The following CATSPER2 variants were observed in gnomAD, a reference collection of about 807,000 sequenced individuals.
CATSPER2 encodes the protein cation channel sperm-associated protein 2.
Under a neutral mutation model 68.8 loss-of-function variants are expected in CATSPER2, and 56 were observed. The ratio of observed to expected loss-of-function variants is 0.81; its 90% CI spans 0.66 to 1.02. The LOEUF is 1.02. Ranked by LOEUF, CATSPER2 falls within the 50% of genes least tolerant of loss-of-function variation. The probability of loss-of-function intolerance (pLI) is 0.00; values close to 1 mark genes in which losing one functional copy is unlikely to be tolerated. For missense variants in CATSPER2, 582 were observed against 642.0 expected, an observed-to-expected ratio of 0.91 and a Z score of 1.01; for synonymous variants, 198 against 229.9, an observed-to-expected ratio of 0.86 and a Z score of 1.26.
chr15:43,640,551 A>G (rs2086054882), intron 4 of CATSPER2, 55 bp from the exon 5 acceptor site: 2 of 1,611,110 alleles, frequency 1.2e-6, no homozygotes, highest in East Asian at 4.5e-5. Flanking sequence ...AAACCGAATG[A>G]TGGAGAATGA....
intron 6 of CATSPER2, chr15:43,639,385 C>T (rs186686021): frequency 0.012 from 5,677 of 464,536 alleles, 92 homozygotes; most frequent in Middle Eastern, 0.018. Flanking sequence ...GCTGGGATTA[C>T]AGGCACACAC....
At chr15:43,639,586 T>C (rs1436747421) in intron 6 of CATSPER2, 57 bp downstream of exon 6, 1 of 1,610,168 alleles carries the variant, frequency 6.2e-7, no homozygotes, top group Non-Finnish European at 8.5e-7. Flanking sequence ...TATTCTATGT[T>C]AAGCCCTCAC....
Position 43,633,016 on chromosome 15 carries a change from C to T in CATSPER2, c.1179-82G>A, listed in dbSNP as rs1397951476. ...ATTATTCTGGTTCTGCCCCTGGCCA[C>T]CCCCTAAAGCTGGGGCATAAGACAA... On this transcript the variant is annotated intron_variant, in intron 10 of 12. Coordinates refer to ENST00000396879, the MANE Select transcript of CATSPER2 (RefSeq NM_172095.4). 3.4e-6 allele frequency: 4 copies of T among 1,162,706 alleles called. No homozygotes were observed. The Middle Eastern group carries it at 1.1e-3, about 332-fold the overall frequency. The allele number at this position is 1,162,706 out of a possible 1,614,324, so 72.0% of individuals were successfully genotyped here. A position where few individuals can be genotyped will look rare whatever the true frequency, so the allele number is the denominator to read the frequency against.
In CATSPER2 at chr15:43,631,480, C is replaced by T. The variant is rs1285483142; in HGVS notation, c.1561+719G>A. The T allele has an allele frequency of 2.8e-5, 8 of 287,426 alleles. 1 individual carries two copies. In the East Asian group the frequency reaches 3.9e-4, roughly 14 times the overall value. 17.8% of individuals were successfully genotyped at this position (287,426 alleles called of 1,614,324 possible). A position where few individuals can be genotyped will look rare whatever the true frequency, so the allele number is the denominator to read the frequency against. ...TCCTGACCTTGTGATCTGCCCGCCT[C>T]GGCCTCCCAAAGTGCTGGGATTACA... is the stretch of plus-strand genomic sequence containing the variant. On this transcript the variant is annotated intron_variant, in intron 12 of 12. Coordinates refer to ENST00000396879, the MANE Select transcript of CATSPER2 (RefSeq NM_172095.4).
rs1179943198 is a variant in CATSPER2 at position 43,648,677 on chromosome 15, C to T, written c.-51G>A. 4.2e-6 allele frequency: 6 copies of T among 1,429,740 alleles called. No individual in the cohort carries two copies. The African/African-American group carries it at 5.9e-5, about 14-fold the overall frequency. 88.6% of individuals were successfully genotyped at this position (1,429,740 alleles called of 1,614,324 possible). ...ACTCAGTCCTTATTTCACGCTTCCG[C>T]CTCCAGCTCAGGTGCCCCGAGCCTG... On this transcript the variant is annotated 5_prime_UTR_variant, in exon 1 of 13. Transcript: ENST00000396879.
intron 12 of CATSPER2, among the ~76,000 whole-genome samples, chr15:43,631,977 T>C (rs1408724952): frequency 6.6e-6 from 1 of 151,990 alleles, no homozygotes; most frequent in Admixed American, 6.6e-5. Context: ...TGTCCCCTGC[T>C]ACAGAAGCAG....
intron 12 of CATSPER2, 31 bp downstream of exon 12, chr15:43,632,168 C>T (rs780210310): frequency 6.2e-7 from 1 of 1,607,090 alleles, no homozygotes; most frequent in Non-Finnish European, 8.5e-7. Flanking sequence ...TATATATTCC[C>T]ATGGTCCCCA....
chr15:43,643,219 T>C (rs2086102552), intron 4 of CATSPER2, among the ~76,000 whole-genome samples: 1 of 151,942 alleles, frequency 6.6e-6, no homozygotes, highest in South Asian at 2.1e-4. Context: ...ATATTATAGG[T>C]GAGGAGAATA....
intron 7 of CATSPER2, chr15:43,637,733 G>T (rs1032418254): frequency 6.6e-6 from 1 of 151,890 alleles, no homozygotes. Context: ...CTGCCGAAGT[G>T]AGCACTGATT....
At chr15:43,635,502 A>G in intron 9 of CATSPER2, 86 bp from the exon 10 acceptor site, 2 of 1,427,216 alleles carry the variant, frequency 1.4e-6, no homozygotes, top group Non-Finnish European at 2.0e-6. Context: ...TCAGAAAGTG[A>G]AGAAAACTAA....
chr15:43,638,569 G>A (rs2086010440), intron 7 of CATSPER2, among the ~76,000 whole-genome samples: 1 of 151,754 alleles, frequency 6.6e-6, no homozygotes, highest in Non-Finnish European at 1.5e-5. Context: ...TTTCAGGGGT[G>A]AGCCACCGCG....
At chr15:43,639,535 G>A (rs2086034603) in intron 6 of CATSPER2, 108 bp downstream of exon 6, 1 of 1,585,208 alleles carries the variant, frequency 6.3e-7, no homozygotes, top group Admixed American at 1.7e-5. Context: ...AAAGTGCTGG[G>A]ATTACAGGCG....
chr15:43,643,810 T>C (rs2086113397), intron 4 of CATSPER2, among the ~76,000 whole-genome samples: 1 of 151,988 alleles, frequency 6.6e-6, no homozygotes, highest in Admixed American at 6.6e-5. Context: ...TTCAGGAATA[T>C]GCCCACCTTT....
At position 43,641,504 on chromosome 15, in the gene CATSPER2, C is replaced by T. The variant is rs150875834; in HGVS notation, c.389-1008G>A. ...CTTTTATACAATGAATGGATGTATG[C>T]CATACCCTTGGAAAAAAAAAAAACA... On this transcript the variant is annotated intron_variant, in intron 4 of 12. Coordinates refer to ENST00000396879, the MANE Select transcript of CATSPER2 (RefSeq NM_172095.4). Among the ~76,000 whole-genome samples the T allele has an allele frequency of 4.2e-3, 599 of 143,900 alleles. 9 individuals are homozygous for T. The highest frequency in any genetic ancestry group is 0.016 in the African/African-American group (566 of 35,290). 94.4% of individuals were successfully genotyped at this position (143,900 alleles called of 152,430 possible). A position where few individuals can be genotyped will look rare whatever the true frequency, so the allele number is the denominator to read the frequency against.
intron 10 of CATSPER2, chr15:43,634,995 C>T (rs1285928040): frequency 1.8e-5 from 5 of 282,008 alleles, no homozygotes; most frequent in Admixed American, 5.0e-5. Flanking sequence ...CCTTGGCTTG[C>T]GGTGGCATTA....
intron 4 of CATSPER2, among the ~76,000 whole-genome samples, chr15:43,643,387 T>G (rs1390000522): frequency 6.6e-6 from 1 of 151,774 alleles, no homozygotes; most frequent in East Asian, 1.9e-4. Flanking sequence ...CCACTCACTC[T>G]GTCGCCCAGC....
chr15:43,646,718 C>CTTTTT (rs56230106), intron 4 of CATSPER2, among the ~76,000 whole-genome samples: 1 of 138,646 alleles, frequency 7.2e-6, no homozygotes, highest in African/African-American at 2.7e-5. Flanking sequence ...TTTTCTTTTT[C>CTTTTT]TTTTTTTTTT....
chr15:43,634,617 A>C (rs1321513249), intron 10 of CATSPER2: 1 of 152,398 alleles, frequency 6.6e-6, no homozygotes, highest in Non-Finnish European at 1.5e-5. Context: ...AACTTCAAGC[A>C]ATCCTCTTGC....
At chr15:43,641,751 G>A (rs2086078099) in intron 4 of CATSPER2, among the ~76,000 whole-genome samples, 2 of 151,974 alleles carry the variant, frequency 1.3e-5, no homozygotes, top group Non-Finnish European at 2.9e-5. Context: ...TGTCACCCAG[G>A]CTGGAGGAGT....
Sources: allele counts gnomAD v4.1 joint callset (sites outside exome capture counted in the v4.1 genomes callset), GRCh38; gene constraint gnomAD v4.1.1; transcripts MANE v1.5; gene names NCBI Gene and HGNC (gene_info 2026-07-23, HGNC 2026-07-21).